SIPA1L1: variants seen among roughly 807,000 people sequenced by gnomAD.
SIPA1L1 encodes signal-induced proliferation-associated 1-like protein 1.
Under a neutral mutation model 162.7 loss-of-function variants are expected in SIPA1L1, and 26 were observed. The observed-to-expected ratio is 0.16, with a 90% CI of 0.12 to 0.22. The LOEUF (loss-of-function observed/expected upper bound fraction) is 0.22. SIPA1L1 is among the 10% of genes least tolerant of loss of function. The probability of loss-of-function intolerance (pLI) is 1.00; values close to 1 mark genes in which losing one functional copy is unlikely to be tolerated. For synonymous variants in SIPA1L1, 829 were observed against 837.4 expected (o/e 0.99, Z 0.17); for missense variants, 1,874 against 2,241.0 (o/e 0.84, Z 3.31).
At position 71,650,400 on chromosome 14, in the gene SIPA1L1, G is replaced by A. The variant is rs1567399276; in HGVS notation, c.1884G>A (p.Met628Ile). 1.2e-6 allele frequency: 2 copies of A among 1,614,192 alleles called. No homozygotes were observed. Among genetic ancestry groups the A allele is most frequent in the Non-Finnish European group, 1.7e-6 (2 of 1,180,008 alleles). Residue 628 changes from methionine to isoleucine, a missense_variant, in exon 8 of 24, where the codon ATG (methionine) becomes ATA (isoleucine). Physicochemically the swap from Met to Ile is conservative, Grantham distance 10. Around this residue, in one of 5 missense-constraint regions of SIPA1L1, gnomAD observed 685 missense variants for 828.0 expected, o/e 0.83. Coordinates refer to ENST00000381232, the MANE Select transcript of SIPA1L1 (RefSeq NM_001386936.1). ...CTGGACAGAGCACTGAAGAAGAGAT[G>A]TACAACAATGAGTCAGCTGGCCCAG... is the stretch of plus-strand genomic sequence containing the variant. ...CKAGQSTEEE[M>I]YNNESAGPAF...
chr14:71,527,716 T>C (rs1361423978), intron 3 of SIPA1L1, among the ~76,000 whole-genome samples: 5 of 152,184 alleles, frequency 3.3e-5, no homozygotes, highest in African/African-American at 1.2e-4. Flanking sequence ...AGACACTGTA[T>C]TTGTGGATAC....
chr14:71,349,448 TC>T (rs2036482569), intron 2 of SIPA1L1, among the ~76,000 whole-genome samples: 1 of 152,196 alleles, frequency 6.6e-6, no homozygotes, highest in South Asian at 2.1e-4. Context: ...CAGTTCAGAA[TC>T]CTTTGGGGGT....
At chr14:71,625,418 G>C (rs562421150) in intron 7 of SIPA1L1, among the ~76,000 whole-genome samples, 11 of 151,914 alleles carry the variant, frequency 7.2e-5, no homozygotes, top group Admixed American at 2.0e-4. Context: ...TGTTGCCTCA[G>C]CCTCTCGAGT....
At chr14:71,384,296 A>G (rs2040144663) in intron 2 of SIPA1L1, among the ~76,000 whole-genome samples, 7 of 152,120 alleles carry the variant, frequency 4.6e-5, no homozygotes, top group Admixed American at 3.3e-4. Context: ...AAGGTGATTT[A>G]TGTTCAATAC....
chr14:71,534,693 G>A (rs1253676079), intron 4 of SIPA1L1, among the ~76,000 whole-genome samples: 2 of 152,152 alleles, frequency 1.3e-5, no homozygotes, highest in Admixed American at 1.3e-4. Context: ...GAGACCATCT[G>A]TCTCTATTTC....
In SIPA1L1 at chr14:71,661,477, G is replaced by T; in HGVS notation, c.2255+10G>T. 6.2e-7 allele frequency: 1 copy of T among 1,610,386 alleles called. No homozygotes were observed. The highest frequency in any genetic ancestry group is 8.5e-7 in the Non-Finnish European group (1 of 1,177,512). On this transcript the variant is annotated intron_variant, in intron 10 of 23. Transcript: ENST00000381232. ...ACAGTGTCTGTTATAGGTGTGTATG[G>T]GTGTCACAGCAGGGGCTCTGTGGAT... is the stretch of plus-strand genomic sequence containing the variant.
intron 15 of SIPA1L1, among the ~76,000 whole-genome samples, chr14:71,704,568 C>T (rs2082310976): frequency 6.6e-6 from 1 of 152,136 alleles, no homozygotes; most frequent in Non-Finnish European, 1.5e-5. Flanking sequence ...TTCAGAGGCC[C>T]AGGATTCTTG....
intron 2 of SIPA1L1, among the ~76,000 whole-genome samples, chr14:71,348,427 T>C (rs910871240): frequency 6.6e-6 from 1 of 152,252 alleles, no homozygotes; most frequent in African/African-American, 2.4e-5. Context: ...ATGTATTTCC[T>C]GTAGTTCATT....
intron 2 of SIPA1L1, among the ~76,000 whole-genome samples, chr14:71,426,519 C>G (rs140935322): frequency 0.011 from 1,400 of 122,696 alleles, 13 homozygotes; most frequent in Admixed American, 0.017. Flanking sequence ...GACAGAGTCT[C>G]ACTCTGTTGC....
intron 2 of SIPA1L1, among the ~76,000 whole-genome samples, chr14:71,359,512 T>A (rs2140836574): frequency 6.6e-6 from 1 of 152,332 alleles, no homozygotes; most frequent in Non-Finnish European, 1.5e-5. Context: ...GCAGGGACTT[T>A]TGTCTGTTTA....
chr14:71,633,248 C>T (rs2040785322), intron 7 of SIPA1L1, among the ~76,000 whole-genome samples: 1 of 152,114 alleles, frequency 6.6e-6, no homozygotes, highest in African/African-American at 2.4e-5. Flanking sequence ...GCAACCTCCA[C>T]CCTCCGGGTT....
At chr14:71,403,298 T>C (rs1483956893) in intron 2 of SIPA1L1, among the ~76,000 whole-genome samples, 1 of 151,990 alleles carries the variant, frequency 6.6e-6, no homozygotes, top group African/African-American at 2.4e-5. Flanking sequence ...GTTTGAAAAA[T>C]GTTACATAAA....
intron 2 of SIPA1L1, among the ~76,000 whole-genome samples, chr14:71,334,282 C>A (rs1395456488): frequency 4.6e-5 from 7 of 152,170 alleles, no homozygotes; most frequent in African/African-American, 1.7e-4. Context: ...AAAGCTGTGT[C>A]TTACATTATT....
intron 19 of SIPA1L1, among the ~76,000 whole-genome samples, chr14:71,727,415 C>T (rs2084343579): frequency 6.6e-6 from 1 of 151,772 alleles, no homozygotes; most frequent in South Asian, 2.1e-4. Flanking sequence ...GGTGCCCAAC[C>T]AGTCTTAAAG....
chr14:71,323,226 A>C (rs1166156856), intron 2 of SIPA1L1, among the ~76,000 whole-genome samples: 1 of 152,218 alleles, frequency 6.6e-6, no homozygotes, highest in Non-Finnish European at 1.5e-5. Flanking sequence ...TGAGATTAGC[A>C]GTTTTGTAGA....
At chr14:71,456,448 G>T (rs1348088697) in intron 2 of SIPA1L1, among the ~76,000 whole-genome samples, 3 of 152,130 alleles carry the variant, frequency 2.0e-5, no homozygotes, top group Non-Finnish European at 2.9e-5. Flanking sequence ...ATTATACATT[G>T]GTCTGCCAGC....
chr14:71,350,699 C>T (rs541030009), intron 2 of SIPA1L1, among the ~76,000 whole-genome samples: 1 of 152,194 alleles, frequency 6.6e-6, no homozygotes, highest in Non-Finnish European at 1.5e-5. Context: ...TCCTAAGTCC[C>T]CCAGAGGGAC....
chr14:71,497,203 A>T (rs1048580700), intron 2 of SIPA1L1, among the ~76,000 whole-genome samples: 1 of 151,664 alleles, frequency 6.6e-6, no homozygotes, highest in Non-Finnish European at 1.5e-5. Flanking sequence ...AAAAAAAAAG[A>T]TCCTACAGTT....
intron 12 of SIPA1L1, among the ~76,000 whole-genome samples, chr14:71,678,926 T>G (rs1013266157): frequency 2.0e-5 from 3 of 152,032 alleles, no homozygotes; most frequent in African/African-American, 7.3e-5. Context: ...CCAAGAAATA[T>G]GGGACTATGT....
Sources: allele counts gnomAD v4.1 joint callset (sites outside exome capture counted in the v4.1 genomes callset), GRCh38; gene constraint gnomAD v4.1.1; regional missense constraint gnomAD v4.1.1; transcripts MANE v1.5; gene names NCBI Gene and HGNC (gene_info 2026-07-23, HGNC 2026-07-21).